Variants in NTM observed in about 807,000 individuals in gnomAD.
The protein encoded by NTM is neurotrimin, also known as IgLON family member 2.
A neutral mutation model predicts 42.1 loss-of-function variants in NTM; 13 were observed. The ratio of observed to expected loss-of-function variants is 0.31; its 90% CI spans 0.20 to 0.49. NTM has a LOEUF of 0.49. Among genes scored for constraint, NTM ranks in the 20% least tolerant of loss-of-function variants. The pLI, the probability that NTM is intolerant of heterozygous loss-of-function variation, is 0.99. For synonymous variants in NTM, 187 were observed against 179.2 expected, an observed-to-expected ratio of 1.04 and a Z score of -0.35; for missense variants, 373 against 452.8, an observed-to-expected ratio of 0.82 and a Z score of 1.60.
intron 2 of NTM, among the ~76,000 whole-genome samples, chr11:132,011,478 AC>A (rs1157478945): frequency 1.3e-5 from 2 of 152,192 alleles, no homozygotes. Context: ...AACATTTGTT[AC>A]GTAGTTTCTT....
intron 4 of NTM, among the ~76,000 whole-genome samples, chr11:132,280,249 C>T (rs1005345333): frequency 6.6e-6 from 1 of 152,134 alleles, no homozygotes; most frequent in African/African-American, 2.4e-5. Flanking sequence ...TTGAGGTTTG[C>T]TAGCAAAGTT....
intron 1 of NTM, among the ~76,000 whole-genome samples, chr11:131,658,452 G>A (rs1019214548): frequency 6.6e-6 from 1 of 152,188 alleles, no homozygotes; most frequent in African/African-American, 2.4e-5. Flanking sequence ...ACGTGGTGCA[G>A]CTCTTACATT....
intron 4 of NTM, among the ~76,000 whole-genome samples, chr11:132,251,157 A>T (rs2091899062): frequency 6.6e-6 from 1 of 152,170 alleles, no homozygotes; most frequent in African/African-American, 2.4e-5. Flanking sequence ...CACCTTGGGG[A>T]TGCAGCTTTT....
chr11:131,676,100 C>T (rs1227059918), intron 1 of NTM, among the ~76,000 whole-genome samples: 1 of 152,178 alleles, frequency 6.6e-6, no homozygotes, highest in Non-Finnish European at 1.5e-5. Flanking sequence ...AGACTTGAAC[C>T]TGAACCCTTG....
intron 1 of NTM, among the ~76,000 whole-genome samples, chr11:131,709,776 G>A (rs914460917): frequency 2.6e-5 from 4 of 152,148 alleles, no homozygotes; most frequent in Non-Finnish European, 5.9e-5. Context: ...CTAAAATGGA[G>A]CGAATATAGA....
At chr11:132,314,845 CACAGAAAGAAATGGAGAGAGAGGG>C (rs1450408712) in intron 7 of NTM, 142 bp downstream of exon 7, 2 of 1,388,670 alleles carry the variant, frequency 1.4e-6, no homozygotes, top group Non-Finnish European at 1.9e-6. Flanking sequence ...AAGAGAGAGA[CACAGAAAGAAATGGAGAGAGAGGG>C]ACAGAGAGAC....
intron 2 of NTM, among the ~76,000 whole-genome samples, chr11:132,091,010 C>T (rs1790178): frequency 0.14 from 20,750 of 152,220 alleles, 1,520 homozygotes; most frequent in Middle Eastern, 0.17. Context: ...CCATTCCACA[C>T]AAGCCTTTAC....
intron 1 of NTM, among the ~76,000 whole-genome samples, chr11:131,608,855 A>C (rs527814940): frequency 1.3e-5 from 2 of 152,322 alleles, no homozygotes; most frequent in Non-Finnish European, 2.9e-5. Context: ...GCTGGATTCA[A>C]TGGTGTCCTA....
chr11:131,463,211 T>G (rs958188082), intron 1 of NTM, among the ~76,000 whole-genome samples: 2 of 152,210 alleles, frequency 1.3e-5, no homozygotes, highest in African/African-American at 4.8e-5. Flanking sequence ...AGCCGGAGAT[T>G]GTAGGATCTG....
intron 3 of NTM, among the ~76,000 whole-genome samples, chr11:132,154,326 T>G (rs1042473372): frequency 7.2e-5 from 11 of 152,146 alleles, no homozygotes; most frequent in African/African-American, 2.7e-4. Flanking sequence ...AGTCAATAAA[T>G]CTTGGGTAGA....
intron 1 of NTM, among the ~76,000 whole-genome samples, chr11:131,517,004 G>A (rs1434468085): frequency 6.6e-6 from 1 of 152,194 alleles, no homozygotes; most frequent in East Asian, 1.9e-4. Context: ...GGGCATGGGG[G>A]AAGGGTCACC....
chr11:132,272,962 G>T (rs1442243806), intron 4 of NTM, among the ~76,000 whole-genome samples: 4 of 152,042 alleles, frequency 2.6e-5, no homozygotes, highest in African/African-American at 9.7e-5. Flanking sequence ...AAAGCATTTT[G>T]ATTTTTACCA....
chr11:131,487,234 C>T (rs550729727), intron 1 of NTM, among the ~76,000 whole-genome samples: 293 of 152,272 alleles, frequency 1.9e-3, no homozygotes, highest in Non-Finnish European at 3.4e-3. Flanking sequence ...GTTATAGCCT[C>T]GTGTTTTGAT....
At chr11:131,389,895 C>G (rs1012568849) in intron 1 of NTM, among the ~76,000 whole-genome samples, 1 of 152,040 alleles carries the variant, frequency 6.6e-6, no homozygotes, top group African/African-American at 2.4e-5. Flanking sequence ...AAGGGAAGCC[C>G]GGGGAAAGGA....
At chr11:132,287,382 C>T (rs1418455413) in intron 4 of NTM, among the ~76,000 whole-genome samples, 1 of 152,150 alleles carries the variant, frequency 6.6e-6, no homozygotes, top group East Asian at 1.9e-4. Context: ...CGTACGTTTC[C>T]TTCTAATAAC....
In NTM at chr11:131,401,810, A is replaced by ATATATATATATATATGTGTG. The variant is rs1945180626; in HGVS notation, c.82+30937_82+30938insGTGTGTATATATATATATAT. 1.4e-4 allele frequency among the ~76,000 whole-genome samples: 2 copies of ATATATATATATATATGTGTG among 13,956 alleles called. 1 individual carries two copies. Among genetic ancestry groups the ATATATATATATATATGTGTG allele is most frequent in the African/African-American group, 7.7e-4 (2 of 2,594 alleles). The allele number at this position is 13,956 out of a possible 152,430, so 9.2% of individuals were successfully genotyped here. A position where few individuals can be genotyped will look rare whatever the true frequency, so the allele number is the denominator to read the frequency against. ...GTCAGGCCACTGGAAATATATATAT[A>ATATATATATATATATGTGTG]TATATATATATATATATATATATAT... On this transcript the variant is annotated intron_variant, in intron 1 of 8. Coordinates refer to ENST00000683400, the MANE Select transcript of NTM (RefSeq NM_001352005.2).
In NTM at chr11:131,526,307, C is replaced by T. The variant is rs139646890; in HGVS notation, c.82+155419C>T. On this transcript the variant is annotated intron_variant, in intron 1 of 8. Coordinates refer to ENST00000683400, the MANE Select transcript of NTM (RefSeq NM_001352005.2). The stretch of plus-strand genomic sequence containing the variant: ...GGTTAAGTATTTCTCTGCACCCCAG[C>T]TGGGGATGGCTGATTGGGCAGGTGT... Among the ~76,000 whole-genome samples, 197 of 152,316 alleles carry T rather than the reference C, an allele frequency of 1.3e-3. 1 individual carries two copies. Among genetic ancestry groups the T allele is most frequent in the African/African-American group, 4.6e-3 (192 of 41,572 alleles).
In NTM at chr11:131,506,688, C is replaced by A. The variant is rs148994426; in HGVS notation, c.82+135800C>A. Among the ~76,000 whole-genome samples, 163 of 152,328 alleles carry A rather than the reference C, an allele frequency of 1.1e-3. 2 individuals are homozygous for A. The highest frequency in any genetic ancestry group is 3.8e-3 in the African/African-American group (156 of 41,582). ...GCACAGCCCTAGGGCCTCAGAGAAG[C>A]CACAGGAGTTTGATGGGAAGGAGGC... is the stretch of plus-strand genomic sequence containing the variant. On this transcript the variant is annotated intron_variant, in intron 1 of 8. Transcript: ENST00000683400.
chr11:131,677,393 C>T (rs1017253089), intron 1 of NTM, among the ~76,000 whole-genome samples: 1 of 152,186 alleles, frequency 6.6e-6, no homozygotes, highest in Admixed American at 6.5e-5. Context: ...TAGACCAATG[C>T]AATCGTTTAT....
Sources: gnomAD v4.1 joint callset for allele counts (sites outside exome capture counted in the v4.1 genomes callset) on GRCh38, gnomAD v4.1.1 for gene constraint, MANE v1.5 for transcripts, NCBI Gene and HGNC (gene_info 2026-07-23, HGNC 2026-07-21) for gene names.